The following SCMH1 variants were observed in gnomAD, a reference collection of about 807,000 sequenced individuals.
SCMH1 encodes Scm polycomb group protein homolog 1, also known as polycomb protein SCMH1.
SCMH1 carries 37 observed loss-of-function variants against 70.8 expected under a neutral mutation model. The observed-to-expected ratio is 0.52, with a 90% CI of 0.40 to 0.69. SCMH1 has a LOEUF of 0.69. Among genes scored for constraint, SCMH1 ranks in the 30% least tolerant of loss-of-function variants. The pLI is 0.00. For synonymous variants in SCMH1, 292 were observed against 307.4 expected (o/e 0.95, Z 0.52); for missense variants, 607 against 827.3 (o/e 0.73, Z 3.27).
intron 1 of SCMH1, among the ~76,000 whole-genome samples, chr1:41,212,505 G>A (rs1657242044): frequency 6.6e-6 from 1 of 152,062 alleles, no homozygotes; most frequent in Non-Finnish European, 1.5e-5. Context: ...CCAGAAAATA[G>A]GAAAGAGTGA....
chr1:41,156,541 C>T lies in SCMH1; in HGVS notation c.106+4334G>A, dbSNP rs117332694. On this transcript the variant is annotated intron_variant, in intron 4 of 14. Transcript: ENST00000337495. Reference sequence around the variant, plus strand: ...GCAGCCTTGACCTCCCGGGCTCAAGCGATCCTCTCATCTCAGCCTCCCTAG... The same window carrying T: ...GCAGCCTTGACCTCCCGGGCTCAAGTGATCCTCTCATCTCAGCCTCCCTAG... Among the ~76,000 whole-genome samples, 278 of 152,212 alleles carry T rather than the reference C, an allele frequency of 1.8e-3. 3 individuals are homozygous for T. In the East Asian group the frequency reaches 0.025, roughly 14 times the overall value.
intron 8 of SCMH1, among the ~76,000 whole-genome samples, chr1:41,108,587 G>A (rs1050694815): frequency 6.6e-6 from 1 of 152,222 alleles, no homozygotes; most frequent in Non-Finnish European, 1.5e-5. Flanking sequence ...TTAGTTGGAC[G>A]CTTGGTAGTT....
At chr1:41,156,076 C>T (rs1645513955) in intron 4 of SCMH1, among the ~76,000 whole-genome samples, 1 of 151,254 alleles carries the variant, frequency 6.6e-6, no homozygotes, top group Admixed American at 6.6e-5. Flanking sequence ...CATTATTTAG[C>T]TATTTAGCTA....
intron 2 of SCMH1, among the ~76,000 whole-genome samples, chr1:41,165,702 A>G (rs1056200869): frequency 6.6e-6 from 1 of 152,022 alleles, no homozygotes; most frequent in Non-Finnish European, 1.5e-5. Flanking sequence ...AAAAATGTCT[A>G]TTCAAGTCCT....
At chr1:41,055,785 C>T (rs897813202) in intron 10 of SCMH1, among the ~76,000 whole-genome samples, 5 of 152,108 alleles carry the variant, frequency 3.3e-5, no homozygotes, top group South Asian at 4.1e-4. Context: ...CACAGGTCGT[C>T]GGGACAAGAA....
chr1:41,142,242 T>A (rs1457524668), intron 6 of SCMH1, among the ~76,000 whole-genome samples: 1 of 152,088 alleles, frequency 6.6e-6, no homozygotes, highest in Non-Finnish European at 1.5e-5. Context: ...TCAAAGTCCA[T>A]AATCTAACTC....
At chr1:41,075,485 T>C in intron 8 of SCMH1, 34 bp from the exon 9 acceptor site, 1 of 1,542,926 alleles carries the variant, frequency 6.5e-7, no homozygotes, top group Non-Finnish European at 8.9e-7. Flanking sequence ...TCACCCTCCC[T>C]CCCCCCTGCA....
intron 10 of SCMH1, among the ~76,000 whole-genome samples, chr1:41,050,282 C>G (rs1171146856): frequency 6.6e-6 from 1 of 152,136 alleles, no homozygotes; most frequent in East Asian, 1.9e-4. Flanking sequence ...ATTTGAGTAG[C>G]GGGTACTATT....
At chr1:41,181,439 A>G (rs1450085890) in intron 2 of SCMH1, among the ~76,000 whole-genome samples, 1 of 152,232 alleles carries the variant, frequency 6.6e-6, no homozygotes, top group Non-Finnish European at 1.5e-5. Flanking sequence ...AAATTTTTGC[A>G]ATCTACTCAT....
chr1:41,235,657 C>A (rs1450455081), intron 1 of SCMH1, among the ~76,000 whole-genome samples: 1 of 148,332 alleles, frequency 6.7e-6, no homozygotes, highest in Non-Finnish European at 1.5e-5. Context: ...ATATCCACAA[C>A]TCAGTTGAAA....
chr1:41,136,763 A>G (rs1335296170), intron 6 of SCMH1, among the ~76,000 whole-genome samples: 3 of 148,166 alleles, frequency 2.0e-5, no homozygotes, highest in Non-Finnish European at 3.0e-5. Flanking sequence ...TTTTCTCCCA[A>G]AGGACAGTAC....
At chr1:41,052,039 T>A (rs1648362532) in intron 10 of SCMH1, among the ~76,000 whole-genome samples, 1 of 152,230 alleles carries the variant, frequency 6.6e-6, no homozygotes. Flanking sequence ...TTTTACTGTA[T>A]CCTTTTTATC....
intron 1 of SCMH1, among the ~76,000 whole-genome samples, chr1:41,220,967 C>T (rs1295312775): frequency 1.3e-5 from 2 of 149,246 alleles, no homozygotes; most frequent in African/African-American, 4.8e-5. Context: ...TACTTAATCT[C>T]TTTAGTCTCA....
At chr1:41,091,316 C>T (rs1189228973) in intron 8 of SCMH1, among the ~76,000 whole-genome samples, 1 of 152,072 alleles carries the variant, frequency 6.6e-6, no homozygotes, top group Non-Finnish European at 1.5e-5. Context: ...GCAGAAAAGG[C>T]CTTCGACAAA....
At chr1:41,157,009 T>G (rs1056428887) in intron 4 of SCMH1, among the ~76,000 whole-genome samples, 1 of 145,428 alleles carries the variant, frequency 6.9e-6, no homozygotes, top group Non-Finnish European at 1.5e-5. Context: ...CAGGATGGAG[T>G]GTGGTGGCAC....
intron 1 of SCMH1, 63 bp from the exon 2 acceptor site, chr1:41,186,313 C>T: frequency 2.2e-6 from 1 of 457,940 alleles, no homozygotes; most frequent in East Asian, 3.4e-5. Flanking sequence ...GTACTGAGAT[C>T]TCTAATTATT....
intron 8 of SCMH1, among the ~76,000 whole-genome samples, chr1:41,085,103 G>A (rs1332750103): frequency 6.6e-6 from 1 of 150,772 alleles, no homozygotes; most frequent in Non-Finnish European, 1.5e-5. Context: ...TTGTGCACAT[G>A]TACCCTAAAA....
intron 10 of SCMH1, among the ~76,000 whole-genome samples, chr1:41,062,765 A>C (rs1017960475): frequency 6.6e-6 from 1 of 150,664 alleles, no homozygotes; most frequent in Non-Finnish European, 1.5e-5. Context: ...AAGAAAAAGA[A>C]AAAATTAGCC....
At chr1:41,128,296 A>G (rs1411253685) in intron 6 of SCMH1, among the ~76,000 whole-genome samples, 2 of 150,264 alleles carry the variant, frequency 1.3e-5, no homozygotes, top group African/African-American at 2.5e-5. Flanking sequence ...TTTCCATGTT[A>G]TCATTTTCTT....
Sources: gnomAD v4.1 joint callset for allele counts (sites outside exome capture counted in the v4.1 genomes callset) on GRCh38, gnomAD v4.1.1 for gene constraint, MANE v1.5 for transcripts, NCBI Gene and HGNC (gene_info 2026-07-23, HGNC 2026-07-21) for gene names.